The following CYP7B1 variants were observed in gnomAD, a reference collection of about 807,000 sequenced individuals.
CYP7B1 encodes cytochrome P450 7B1.
Under a neutral mutation model 42.7 loss-of-function variants are expected in CYP7B1, and 29 were observed. The observed-to-expected ratio is 0.68, with a 90% CI of 0.51 to 0.93. The LOEUF (loss-of-function observed/expected upper bound fraction) is 0.93. Among genes scored for constraint, CYP7B1 ranks in the 40% least tolerant of loss-of-function variants. The probability of loss-of-function intolerance (pLI) is 0.00; values close to 1 mark genes in which losing one functional copy is unlikely to be tolerated. For synonymous variants in CYP7B1, 235 were observed against 218.2 expected (o/e 1.08, Z -0.68); for missense variants, 655 against 600.5 (o/e 1.09, Z -0.95).
At chr8:64,766,610 C>T (rs1807977086) in intron 1 of CYP7B1, among the ~76,000 whole-genome samples, 1 of 152,064 alleles carries the variant, frequency 6.6e-6, no homozygotes, top group Non-Finnish European at 1.5e-5. Flanking sequence ...ACTCGAATGC[C>T]TAATAGGGCT....
In CYP7B1 at chr8:64,740,147, C is replaced by G. The variant is rs533062842; in HGVS notation, c.122+58319G>C. On this transcript the variant is annotated intron_variant, in intron 1 of 5. Transcript: ENST00000310193. The stretch of plus-strand genomic sequence containing the variant: ...ACATTCCTCTCAAGCTTACAGAGAA[C>G]ACTTAACAAGACAGACCACATCCTG... Among the ~76,000 whole-genome samples, 5 of 152,160 alleles carry G rather than the reference C, an allele frequency of 3.3e-5. No individual in the cohort carries two copies. In the South Asian group the frequency reaches 1.0e-3, roughly 32 times the overall value.
intron 1 of CYP7B1, among the ~76,000 whole-genome samples, chr8:64,738,351 C>T (rs967101414): frequency 4.6e-5 from 7 of 152,000 alleles, no homozygotes; most frequent in Admixed American, 3.9e-4. Context: ...ATGTGCTACT[C>T]TATTAAGAAA....
intron 2 of CYP7B1, among the ~76,000 whole-genome samples, chr8:64,623,160 T>G (rs1805556851): frequency 1.3e-5 from 2 of 152,226 alleles, no homozygotes; most frequent in African/African-American, 4.8e-5. Context: ...TCTCTCTACA[T>G]GTGCCCCCAT....
At position 64,765,669 on chromosome 8, in the gene CYP7B1, A is replaced by C. The variant is rs897183325; in HGVS notation, c.122+32797T>G. Among the ~76,000 whole-genome samples, 3 of 152,172 alleles carry C rather than the reference A, an allele frequency of 2.0e-5. No individual in the cohort carries two copies. In the South Asian group the frequency reaches 6.2e-4, roughly 31 times the overall value. On this transcript the variant is annotated intron_variant, in intron 1 of 5. Transcript: ENST00000310193. ...TCCATGGGTGGTTACGCACCCTGGA[A>C]AGGAGTAAGCATTAGGACCATAGAA...
At position 64,718,980 on chromosome 8, in the gene CYP7B1, T is replaced by C. The variant is rs543521927; in HGVS notation, c.122+79486A>G. The stretch of plus-strand genomic sequence containing the variant: ...GGGATGTAGTGGCTTCTAACATATA[T>C]AGTTGTGAGGTCACTGGAACAGATT... On this transcript the variant is annotated intron_variant, in intron 1 of 5. Transcript: ENST00000310193. 3.9e-5 allele frequency among the ~76,000 whole-genome samples: 6 copies of C among 152,320 alleles called. No individual in the cohort carries two copies. The South Asian group carries it at 1.2e-3, about 32-fold the overall frequency.
At chr8:64,606,406 G>C (rs986939558) in intron 4 of CYP7B1, among the ~76,000 whole-genome samples, 2 of 152,206 alleles carry the variant, frequency 1.3e-5, no homozygotes, top group African/African-American at 4.8e-5. Flanking sequence ...CATCCTTTTA[G>C]CTTGTGGTGT....
At chr8:64,706,408 AAG>A (rs752398919) in intron 1 of CYP7B1, among the ~76,000 whole-genome samples, 2 of 152,136 alleles carry the variant, frequency 1.3e-5, no homozygotes, top group South Asian at 2.1e-4. Context: ...TAGACTACCT[AAG>A]AGAGTGTTCA....
chr8:64,769,408 AC>A (rs1281458779), intron 1 of CYP7B1, among the ~76,000 whole-genome samples: 1 of 152,202 alleles, frequency 6.6e-6, no homozygotes, highest in African/African-American at 2.4e-5. Context: ...TTTTGTGCTA[AC>A]AATGTTAGAA....
intron 1 of CYP7B1, among the ~76,000 whole-genome samples, chr8:64,796,486 G>T (rs759101303): frequency 1.3e-5 from 2 of 152,178 alleles, no homozygotes; most frequent in Non-Finnish European, 2.9e-5. Flanking sequence ...AGTATTGGCA[G>T]AATGTGGAGA....
chr8:64,656,766 T>C (rs908827122), intron 1 of CYP7B1, among the ~76,000 whole-genome samples: 3 of 152,214 alleles, frequency 2.0e-5, no homozygotes, highest in Non-Finnish European at 4.4e-5. Context: ...ATTCTATTTA[T>C]TGATGTTAAG....
At chr8:64,772,339 C>T (rs749724982) in intron 1 of CYP7B1, among the ~76,000 whole-genome samples, 12 of 152,304 alleles carry the variant, frequency 7.9e-5, no homozygotes, top group Non-Finnish European at 1.2e-4. Flanking sequence ...ATGAAATCAA[C>T]TTTTAGCTCC....
rs148545483 is a variant in CYP7B1 at position 64,733,842 on chromosome 8, T to C, written c.122+64624A>G. Among the ~76,000 whole-genome samples the C allele has an allele frequency of 8.3e-3, 1,265 of 152,122 alleles. 16 individuals carry two copies. Among genetic ancestry groups the C allele is most frequent in the Non-Finnish European group, 9.4e-3 (640 of 67,980 alleles). ...TTAGTTAGCCAGGCATTGTGGTACA[T>C]GCCTACAGTCCCAGCTATTTTGGAG... On this transcript the variant is annotated intron_variant, in intron 1 of 5. Coordinates refer to ENST00000310193, the MANE Select transcript of CYP7B1 (RefSeq NM_004820.5).
chr8:64,793,502 G>A (rs1371373753), intron 1 of CYP7B1, among the ~76,000 whole-genome samples: 2 of 151,982 alleles, frequency 1.3e-5, no homozygotes, highest in Non-Finnish European at 2.9e-5. Context: ...TGGGAAGTGG[G>A]TATCTGTACC....
At chr8:64,724,183 T>C (rs937201308) in intron 1 of CYP7B1, among the ~76,000 whole-genome samples, 2 of 151,864 alleles carry the variant, frequency 1.3e-5, no homozygotes, top group African/African-American at 2.4e-5. Context: ...TCACCCAGGC[T>C]AGATGGAGTG....
intron 1 of CYP7B1, among the ~76,000 whole-genome samples, chr8:64,711,377 G>A (rs1158756736): frequency 2.0e-5 from 3 of 152,164 alleles, no homozygotes; most frequent in South Asian, 2.1e-4. Flanking sequence ...CTCACTGCCT[G>A]GGACCAGTCA....
intron 1 of CYP7B1, among the ~76,000 whole-genome samples, chr8:64,644,064 G>A (rs1216840119): frequency 2.0e-5 from 3 of 152,110 alleles, no homozygotes; most frequent in African/African-American, 4.8e-5. Flanking sequence ...CACGAGGTCA[G>A]GAGTTCAAGA....
intron 1 of CYP7B1, among the ~76,000 whole-genome samples, chr8:64,669,726 T>TACACAC (rs57345617): frequency 2.3e-5 from 3 of 129,822 alleles, no homozygotes; most frequent in African/African-American, 8.6e-5. Context: ...TTTACATACA[T>TACACAC]ACACACACAC....
intron 1 of CYP7B1, among the ~76,000 whole-genome samples, chr8:64,732,028 C>G (rs1422033692): frequency 6.6e-6 from 1 of 152,218 alleles, no homozygotes; most frequent in African/African-American, 2.4e-5. Flanking sequence ...CATGGAGAAC[C>G]TCTGCTAGGG....
intron 1 of CYP7B1, among the ~76,000 whole-genome samples, chr8:64,673,335 A>C (rs1030328178): frequency 6.6e-6 from 1 of 152,028 alleles, no homozygotes; most frequent in Non-Finnish European, 1.5e-5. Context: ...CCCTGTTTGA[A>C]CTTGATTTCA....
Sources: allele counts gnomAD v4.1 joint callset (sites outside exome capture counted in the v4.1 genomes callset), GRCh38; gene constraint gnomAD v4.1.1; transcripts MANE v1.5; gene names NCBI Gene and HGNC (gene_info 2026-07-23, HGNC 2026-07-21).